Variants in AGBL4 observed in about 807,000 individuals in gnomAD.
AGBL4 encodes the protein cytosolic carboxypeptidase 6.
In AGBL4, 58 loss-of-function variants were observed where a neutral mutation model predicts 66.4. The observed-to-expected ratio is 0.87, with a 90% CI of 0.71 to 1.09. The LOEUF is 1.09. AGBL4 is among the 50% of genes least tolerant of loss of function. The probability of loss-of-function intolerance (pLI) is 0.00; values close to 1 mark genes in which losing one functional copy is unlikely to be tolerated. For missense variants in AGBL4, 579 were observed against 631.0 expected, an observed-to-expected ratio of 0.92 and a Z score of 0.88; for synonymous variants, 234 against 222.9, an observed-to-expected ratio of 1.05 and a Z score of -0.44.
intron 4 of AGBL4, among the ~76,000 whole-genome samples, chr1:49,220,089 G>A (rs1258481015): frequency 2.6e-5 from 4 of 151,964 alleles, no homozygotes; most frequent in Non-Finnish European, 4.4e-5. Context: ...AGTTCAACTT[G>A]ATTACAATGT....
chr1:49,828,827 T>C (rs746431404), intron 2 of AGBL4, among the ~76,000 whole-genome samples: 11 of 151,834 alleles, frequency 7.2e-5, no homozygotes, highest in Non-Finnish European at 1.3e-4. Context: ...TTCCAGTATT[T>C]TGGAAGGCCG....
At chr1:49,662,412 G>C (rs1254502539) in intron 3 of AGBL4, among the ~76,000 whole-genome samples, 1 of 151,972 alleles carries the variant, frequency 6.6e-6, no homozygotes, top group African/African-American at 2.4e-5. Context: ...AGAAGGCGAA[G>C]GGAAACATCT....
intron 2 of AGBL4, among the ~76,000 whole-genome samples, chr1:49,761,136 T>G (rs986295185): frequency 2.0e-5 from 3 of 151,798 alleles, no homozygotes; most frequent in African/African-American, 7.3e-5. Context: ...ATCCCGTTTT[T>G]TTTTTTTTTA....
At chr1:48,865,776 G>A (rs1648001370) in intron 6 of AGBL4, among the ~76,000 whole-genome samples, 1 of 152,090 alleles carries the variant, frequency 6.6e-6, no homozygotes, top group Non-Finnish European at 1.5e-5. Context: ...GATAAACTCA[G>A]ATGTGGAAGC....
intron 3 of AGBL4, among the ~76,000 whole-genome samples, chr1:49,601,065 T>A (rs1323536004): frequency 1.3e-5 from 2 of 152,190 alleles, no homozygotes; most frequent in Non-Finnish European, 2.9e-5. Context: ...TTAACATTTT[T>A]TCCTTCTTTT....
Position 49,937,020 on chromosome 1 carries a change from C to T in AGBL4, c.35-85502G>A, listed in dbSNP as rs1365303986. Among the ~76,000 whole-genome samples the T allele has an allele frequency of 3.3e-5, 5 of 152,276 alleles. No individual in the cohort carries two copies. The East Asian group carries it at 9.6e-4, about 29-fold the overall frequency. On this transcript the variant is annotated intron_variant, in intron 1 of 13. Transcript: ENST00000371839. ...ACTTTAAATGTAAATGGACTAAATG[C>T]TCCAATTAAAAGACACAGACTGGCA...
chr1:49,932,840 T>C (rs1653506420), intron 1 of AGBL4, among the ~76,000 whole-genome samples: 2 of 151,938 alleles, frequency 1.3e-5, no homozygotes, highest in Admixed American at 1.3e-4. Flanking sequence ...AATCAGCAAA[T>C]GCAAAAACTA....
At chr1:48,556,683 A>G (rs551816424) in intron 11 of AGBL4, among the ~76,000 whole-genome samples, 80 of 152,364 alleles carry the variant, frequency 5.3e-4, no homozygotes, top group Non-Finnish European at 7.9e-4. Context: ...TCAGTCTGCC[A>G]TCCTATACTC....
At chr1:49,166,080 C>A (rs1646628709) in intron 4 of AGBL4, among the ~76,000 whole-genome samples, 1 of 152,060 alleles carries the variant, frequency 6.6e-6, no homozygotes. Flanking sequence ...AGTGTCAGAG[C>A]AATTTAACAT....
chr1:49,902,907 T>C (rs948647274), intron 1 of AGBL4, among the ~76,000 whole-genome samples: 2 of 152,216 alleles, frequency 1.3e-5, no homozygotes, highest in African/African-American at 4.8e-5. Flanking sequence ...AGTGGAAATG[T>C]AAGTTAGTTC....
intron 4 of AGBL4, among the ~76,000 whole-genome samples, chr1:49,081,563 C>T (rs1460616727): frequency 1.3e-5 from 2 of 152,214 alleles, no homozygotes; most frequent in African/African-American, 4.8e-5. Flanking sequence ...CCTTGCCTCT[C>T]TTTCTACTTA....
chr1:49,555,897 G>A (rs138536374), intron 3 of AGBL4, among the ~76,000 whole-genome samples: 13,330 of 152,118 alleles, frequency 0.088, 883 homozygotes, highest in East Asian at 0.3. Context: ...TGGAGAGGAT[G>A]TGGAGAAATA....
intron 3 of AGBL4, among the ~76,000 whole-genome samples, chr1:49,506,804 G>GT (rs1433053515): frequency 6.6e-6 from 1 of 151,956 alleles, no homozygotes; most frequent in Non-Finnish European, 1.5e-5. Context: ...CAGCAAATTG[G>GT]TTGCAAAGCC....
At chr1:49,044,453 G>T (rs1297614605) in intron 5 of AGBL4, among the ~76,000 whole-genome samples, 1 of 151,654 alleles carries the variant, frequency 6.6e-6, no homozygotes, top group Non-Finnish European at 1.5e-5. Context: ...CCAAGATCTT[G>T]CCACTGCACT....
chr1:49,677,447 C>G (rs181208039), intron 3 of AGBL4, among the ~76,000 whole-genome samples: 2 of 151,930 alleles, frequency 1.3e-5, no homozygotes, highest in East Asian at 3.9e-4. Flanking sequence ...TGGAAAAAAC[C>G]CCACTTAGTC....
intron 3 of AGBL4, among the ~76,000 whole-genome samples, chr1:49,644,482 C>A (rs1246942664): frequency 6.6e-6 from 1 of 151,300 alleles, no homozygotes; most frequent in African/African-American, 2.4e-5. Context: ...CTAACACTTA[C>A]TAAAAGAAAG....
At chr1:49,208,265 T>C (rs1317636266) in intron 4 of AGBL4, among the ~76,000 whole-genome samples, 1 of 152,064 alleles carries the variant, frequency 6.6e-6, no homozygotes, top group East Asian at 1.9e-4. Context: ...TGAAAGCCCA[T>C]GCTTTTCTAC....
intron 1 of AGBL4, among the ~76,000 whole-genome samples, chr1:49,959,540 A>G (rs1656947299): frequency 6.6e-6 from 1 of 152,076 alleles, no homozygotes; most frequent in African/African-American, 2.4e-5. Flanking sequence ...GTGGCTGTTT[A>G]ATAAATATTT....
intron 2 of AGBL4, among the ~76,000 whole-genome samples, chr1:49,838,849 A>G (rs1026545922): frequency 6.6e-6 from 1 of 150,814 alleles, no homozygotes; most frequent in Admixed American, 6.6e-5. Flanking sequence ...TTGTTATTTA[A>G]AAAAAACTCA....
Sources: gnomAD v4.1 joint callset for allele counts (sites outside exome capture counted in the v4.1 genomes callset) on GRCh38, gnomAD v4.1.1 for gene constraint, MANE v1.5 for transcripts, NCBI Gene and HGNC (gene_info 2026-07-23, HGNC 2026-07-21) for gene names.